CYP24A1: variants seen among roughly 807,000 people sequenced by gnomAD.
CYP24A1 encodes the protein cytochrome P450 family 24 subfamily A member 1.
CYP24A1 carries 68 observed loss-of-function variants against 62.4 expected under a neutral mutation model. That is an observed-to-expected ratio of 1.09 (90% confidence interval 0.90 to 1.33). The LOEUF is 1.33. Ranked by LOEUF, CYP24A1 falls within the 40% of genes most tolerant of loss-of-function variation. The probability of loss-of-function intolerance (pLI) is 0.00; values close to 1 mark genes in which losing one functional copy is unlikely to be tolerated. For synonymous variants in CYP24A1, 267 were observed against 253.0 expected, an observed-to-expected ratio of 1.06 and a Z score of -0.52; for missense variants, 787 against 653.0, an observed-to-expected ratio of 1.21 and a Z score of -2.24.
At chr20:54,146,662 T>C in the CYP24A1 span, among the ~76,000 whole-genome samples, 5 of 152,352 alleles carry the variant, frequency 3.3e-5, no homozygotes, top group South Asian at 1.0e-3. Flanking sequence ...TCCTCATCAC[T>C]TTACCTTTCT....
rs771844134 is a variant in CYP24A1, at chr20:54,157,467, T to C, written c.1355A>G (p.His452Arg). Residue 452 changes from histidine (H) to arginine (R), a missense_variant, in exon 10 of 12, where the codon CAT becomes CGT. By Grantham distance (29) the His-to-Arg change is conservative (BLOSUM62 0). Coordinates refer to ENST00000216862, the MANE Select transcript of CYP24A1 (RefSeq NM_000782.5). ...QEKEKINPFA[H>R]LPFGVGKRMC... The stretch of plus-strand genomic sequence containing the variant: ...TCTTTTTCCAACGCCAAATGGAAGA[T>C]GCGCAAAAGGATTAATTTTTTCCTT... 12 of 1,600,860 alleles carry C rather than the reference T, an allele frequency of 7.5e-6. No homozygotes were observed. The highest frequency in any genetic ancestry group is 9.4e-6 in the Non-Finnish European group (11 of 1,167,814).
intron 2 of CYP24A1, chr20:54,171,909 A>T: frequency 2.0e-6 from 2 of 1,010,442 alleles, no homozygotes; most frequent in South Asian, 3.4e-5. Context: ...TTGCACCAAA[A>T]AGTTGAAGTC....
In CYP24A1 at chr20:54,173,243, G is replaced by A. The variant is rs1220654663; in HGVS notation, c.258+79C>T. 5.9e-6 allele frequency: 9 copies of A among 1,516,758 alleles called. No individual in the cohort carries two copies. In the African/African-American group the frequency reaches 6.8e-5, roughly 12 times the overall value. 94.0% of individuals were successfully genotyped at this position (1,516,758 alleles called of 1,614,324 possible). A position where few individuals can be genotyped will look rare whatever the true frequency, so the allele number is the denominator to read the frequency against. On this transcript the variant is annotated intron_variant, in intron 1 of 11. Coordinates refer to ENST00000216862, the MANE Select transcript of CYP24A1 (RefSeq NM_000782.5). This position sits in a 1 kb window ranked among gnomAD's most constrained non-coding sequence, Gnocchi z 7.2. ...GAAGCGCACCATGCGCCCGAGGCGCGCATGTCGGGGAGGGTTTGGAGCGCC... is the reference window on the plus strand; with the variant it reads ...GAAGCGCACCATGCGCCCGAGGCGCACATGTCGGGGAGGGTTTGGAGCGCC...
rs1868829220 is a variant in CYP24A1 at position 54,159,137 on chromosome 20, G to T, written c.991-14C>A. On this transcript the variant is annotated splice_polypyrimidine_tract_variant and intron_variant, in intron 7 of 11. Transcript: ENST00000216862. ...ACTGTTTGCTGTCTGCAAGCCAAAT[G>T]GACATAAACTTGAGTTTTTGTAAAT... 6.2e-7 allele frequency: 1 copy of T among 1,608,296 alleles called. No homozygotes were observed.
Position 54,173,543 on chromosome 20 carries a change from C to G in CYP24A1, c.37G>C (p.Ala13Pro). 2 of 1,581,328 alleles carry G rather than the reference C, an allele frequency of 1.3e-6. No individual in the cohort carries two copies. Among genetic ancestry groups the G allele is most frequent in the Non-Finnish European group, 1.7e-6 (2 of 1,166,832 alleles). ...GGACTGCGCAGCTGCTGCAGGAAGG[C>G]GGCAAGCGAGCGGCTCTTGCTGATG... is the stretch of plus-strand genomic sequence containing the variant. Reference protein sequence around the residue: ...SPISKSRSLAAFLQQLRSPRQ... With the variant: ...SPISKSRSLAPFLQQLRSPRQ... The change falls in exon 1 of 12, where the codon GCC (alanine) becomes CCC (proline). Residue 13 changes from alanine (A) to proline (P), a missense_variant. By Grantham distance (27) the Ala-to-Pro change is conservative. Transcript: ENST00000216862. The surrounding 1 kb of genome is among the most constrained non-coding windows in gnomAD (Gnocchi z 7.2).
downstream of CYP24A1, among the ~76,000 whole-genome samples, chr20:54,152,557 G>A (rs982503505): frequency 1.3e-5 from 2 of 152,224 alleles, no homozygotes; most frequent in African/African-American, 2.4e-5. Context: ...GACGTAGATG[G>A]TGCGTAGGAG....
the CYP24A1 span, among the ~76,000 whole-genome samples, chr20:54,148,369 G>C: frequency 5.1e-4 from 68 of 133,456 alleles, no homozygotes; most frequent in Admixed American, 1.5e-3. Context: ...CAGACACACA[G>C]ACACACACAC....
intron 3 of CYP24A1, 31 bp from the exon 4 acceptor site, chr20:54,169,719 T>G (rs764106330): frequency 6.2e-7 from 1 of 1,613,478 alleles, no homozygotes; most frequent in Non-Finnish European, 8.5e-7. Flanking sequence ...AAAGACACAT[T>G]TTAAAGCCGT....
In CYP24A1 at chr20:54,173,014, A is replaced by C; in HGVS notation, c.344T>G (p.Leu115Arg). The change falls in exon 2 of 12, where the codon CTG (leucine) becomes CGG (arginine). Residue 115 changes from leucine to arginine, a missense_variant. By Grantham distance (102) the Leu-to-Arg change is moderately radical. Transcript: ENST00000216862. This position sits in a 1 kb window ranked among gnomAD's most constrained non-coding sequence, Gnocchi z 7.2. ...GCTCTCGGTGCGGTACAGCGCTTCC[A>C]GCAGGCATGGCGAGCCCAGGTGCAC... ...ESVHLGSPCL[L>R]EALYRTESAY... 1 of 1,611,416 alleles carries C rather than the reference A, an allele frequency of 6.2e-7. No homozygotes were observed. Among genetic ancestry groups the C allele is most frequent in the Non-Finnish European group, 8.5e-7 (1 of 1,180,030 alleles).
At chr20:54,171,259 G>A (rs969507784) in intron 3 of CYP24A1, among the ~76,000 whole-genome samples, 4 of 152,194 alleles carry the variant, frequency 2.6e-5, no homozygotes, top group African/African-American at 9.7e-5. Flanking sequence ...GCTTAGGGAA[G>A]GTAAGTGGTA....
chr20:54,158,352 C>T (rs916810252), intron 8 of CYP24A1, among the ~76,000 whole-genome samples, 188 bp from the exon 9 acceptor site: 8 of 152,204 alleles, frequency 5.3e-5, no homozygotes, highest in African/African-American at 1.9e-4. Flanking sequence ...TTCCTCTCAT[C>T]TTCTTGAGTT....
rs764570392 is a variant in CYP24A1, at chr20:54,162,748, A to G, written c.959T>C (p.Val320Ala). The G allele has an allele frequency of 2.5e-6, 4 of 1,599,428 alleles. No homozygotes were observed. In the East Asian group the frequency reaches 8.9e-5, roughly 36 times the overall value. The change falls in exon 7 of 12, where the codon GTC becomes GCC. Residue 320 changes from valine to alanine, a missense_variant. Transcript: ENST00000216862. ...CACCGCAGCCAGCTGGAGCTCTGTG[A>G]CAGCAGCATACAATTCTTTCTTTGA... ...RLSKKELYAAVTELQLAAVET... is the reference protein window; with the variant it reads ...RLSKKELYAAATELQLAAVET...
downstream of CYP24A1, among the ~76,000 whole-genome samples, chr20:54,149,621 G>T (rs2092609577): frequency 6.6e-6 from 1 of 152,162 alleles, no homozygotes; most frequent in Admixed American, 6.5e-5. Context: ...ACCAGGTACT[G>T]CTCCCCCGGA....
chr20:54,170,177 A>T (rs1391114505), intron 3 of CYP24A1, among the ~76,000 whole-genome samples: 2 of 152,214 alleles, frequency 1.3e-5, no homozygotes, highest in African/African-American at 2.4e-5. Context: ...CCAATTCTGG[A>T]CACAGCTCCT....
chr20:54,157,720 C>A, intron 9 of CYP24A1, 135 bp from the exon 10 acceptor site: 1 of 735,018 alleles, frequency 1.4e-6, no homozygotes, highest in Non-Finnish European at 2.4e-6. Flanking sequence ...TGCCAACATG[C>A]GCTGAGTGCT....
chr20:54,154,319 G>A lies in CYP24A1; in HGVS notation c.*453C>T, dbSNP rs1158430442. 1 of 152,114 alleles carries A rather than the reference G, an allele frequency of 6.6e-6. No individual in the cohort carries two copies. The highest frequency in any genetic ancestry group is 1.5e-5 in the Non-Finnish European group (1 of 68,012). 9.4% of individuals were successfully genotyped at this position (152,114 alleles called of 1,614,324 possible). A position where few individuals can be genotyped will look rare whatever the true frequency, so the allele number is the denominator to read the frequency against. The stretch of plus-strand genomic sequence containing the variant: ...GTTTTTATTTCAATGCAGGAAGAAC[G>A]CAATTTCATGGGAGGCCTGATAACT... On this transcript the variant is annotated 3_prime_UTR_variant, in exon 12 of 12. Transcript: ENST00000216862.
In CYP24A1 at chr20:54,157,143, G is replaced by A. The variant is rs184972602; in HGVS notation, c.*10+26C>T. On this transcript the variant is annotated intron_variant, in intron 11 of 11. Transcript: ENST00000216862. ...CTCGTCATTCTCACTACCTTGCAGA[G>A]GATAATGAACCGCCTAGATGCTCAC... is the stretch of plus-strand genomic sequence containing the variant. 4.2e-4 allele frequency: 463 copies of A among 1,090,022 alleles called. 3 individuals carry two copies. The East Asian group carries it at 8.7e-3, about 21-fold the overall frequency. 67.5% of individuals were successfully genotyped at this position (1,090,022 alleles called of 1,614,324 possible).
intron 5 of CYP24A1, 80 bp downstream of exon 5, chr20:54,165,662 G>T: frequency 2.4e-6 from 2 of 846,946 alleles, no homozygotes; most frequent in Non-Finnish European, 4.1e-6. Context: ...GCCATTTTTT[G>T]GGAATCACTG....
chr20:54,169,446 G>A (rs2092686065), intron 4 of CYP24A1, 146 bp downstream of exon 4: 2 of 1,513,394 alleles, frequency 1.3e-6, no homozygotes, highest in South Asian at 1.2e-5. Flanking sequence ...CATAACTTAA[G>A]CACCTAAAAG....
Sources: allele counts gnomAD v4.1 joint callset (sites outside exome capture counted in the v4.1 genomes callset), GRCh38; gene constraint gnomAD v4.1.1; non-coding constraint Gnocchi (gnomAD v3.1); transcripts MANE v1.5; gene names NCBI Gene and HGNC (gene_info 2026-07-23, HGNC 2026-07-21).